LYPLAL1: variants seen among roughly 807,000 people sequenced by gnomAD.
LYPLAL1 encodes lysophospholipase-like protein 1.
In LYPLAL1, 23 loss-of-function variants were observed where a neutral mutation model predicts 19.7. That is an observed-to-expected ratio of 1.17 (90% confidence interval 0.84 to 1.65). The LOEUF is 1.65. Among genes scored for constraint, LYPLAL1 ranks in the 40% most tolerant of loss-of-function variants. LYPLAL1 has a pLI of 0.00. For synonymous variants in LYPLAL1, 119 were observed against 96.3 expected (o/e 1.24, Z -1.38); for missense variants, 355 against 279.4 (o/e 1.27, Z -1.93).
Position 219,210,573 on chromosome 1 carries a change from T to C in LYPLAL1, c.403T>C (p.Tyr135His). Reference protein sequence around the residue: ...MGGCMAIHLAYRNHQDVAGVF... With the variant: ...MGGCMAIHLAHRNHQDVAGVF... Reference sequence around the variant, plus strand: ...AGGATGCATGGCAATACATTTAGCATATAGAAATCATCAAGATGTGGCAGG... The same window carrying C: ...AGGATGCATGGCAATACATTTAGCACATAGAAATCATCAAGATGTGGCAGG... Residue 135 changes from tyrosine to histidine, a missense_variant, in exon 4 of 5, where the codon TAT becomes CAT. By Grantham distance (83) the Tyr-to-His change is moderately conservative. Coordinates refer to ENST00000366928, the MANE Select transcript of LYPLAL1 (RefSeq NM_138794.5). The C allele has an allele frequency of 6.2e-7, 1 of 1,610,384 alleles. No homozygotes were observed.
In LYPLAL1 at chr1:219,193,105, GA is replaced by G. The variant is rs754446795; in HGVS notation, c.217del (p.Ile73SerfsTer11). On this transcript the variant is annotated frameshift_variant, in exon 3 of 5. Transcript: ENST00000366928. LOFTEE classifies it high-confidence loss of function. ...AGATCATATACTCCTATGAAAGGAGGAATCTCCAATGTATGGTTTGACAGAT... is the reference window on the plus strand; with the variant it reads ...AGATCATATACTCCTATGAAAGGAGGATCTCCAATGTATGGTTTGACAGAT... ...PPRSYTPMKGGISNVWFDRFK... is the reference protein window; with the variant it reads ...PPRSYTPMKGXISNVWFDRFK... 3.0e-5 allele frequency: 48 copies of G among 1,607,302 alleles called. No homozygotes were observed. The highest frequency in any genetic ancestry group is 6.7e-5 in the African/African-American group (5 of 74,568).
chr1:219,421,492 T>G, the LYPLAL1 span, among the ~76,000 whole-genome samples: 1 of 152,328 alleles, frequency 6.6e-6, no homozygotes, highest in East Asian at 1.9e-4. Context: ...ATTCACAAGG[T>G]TGTTGAGTTT....
intron 3 of LYPLAL1, chr1:219,210,286 A>C (rs966163025): frequency 4.2e-6 from 1 of 235,906 alleles, no homozygotes; most frequent in Admixed American, 5.4e-5. Flanking sequence ...CTTGGTGAAC[A>C]TGATATATTT....
At chr1:219,383,829 G>A in the LYPLAL1 span, among the ~76,000 whole-genome samples, 1 of 152,320 alleles carries the variant, frequency 6.6e-6, no homozygotes, top group East Asian at 1.9e-4. Context: ...ACGTGAGCTT[G>A]ATTTAGAATA....
the LYPLAL1 span, among the ~76,000 whole-genome samples, chr1:219,220,668 T>G: frequency 6.6e-6 from 1 of 152,156 alleles, no homozygotes; most frequent in Non-Finnish European, 1.5e-5. Flanking sequence ...GACATGACAT[T>G]TCTGGAGTCG....
intron 2 of LYPLAL1, among the ~76,000 whole-genome samples, chr1:219,192,624 T>C (rs1657271760): frequency 1.3e-5 from 2 of 151,678 alleles, no homozygotes; most frequent in Admixed American, 1.3e-4. Context: ...CAGAAATCTC[T>C]AAGGTTTTTT....
At chr1:219,331,434 T>C in the LYPLAL1 span, among the ~76,000 whole-genome samples, 1 of 152,302 alleles carries the variant, frequency 6.6e-6, no homozygotes, top group South Asian at 2.1e-4. Context: ...GCTCCGTTTT[T>C]GTGTTAAAAC....
At chr1:219,187,756 T>C (rs572623844) in intron 2 of LYPLAL1, among the ~76,000 whole-genome samples, 1 of 151,866 alleles carries the variant, frequency 6.6e-6, no homozygotes, top group Non-Finnish European at 1.5e-5. Context: ...TCCTCTTTAC[T>C]CCATCACTTA....
the LYPLAL1 span, among the ~76,000 whole-genome samples, chr1:219,366,023 T>G: frequency 1.3e-5 from 2 of 152,166 alleles, no homozygotes; most frequent in African/African-American, 4.8e-5. Context: ...TCAGTTCTGG[T>G]TAGCTAATTC....
chr1:219,296,698 G>T, the LYPLAL1 span, among the ~76,000 whole-genome samples: 1 of 152,250 alleles, frequency 6.6e-6, no homozygotes, highest in Admixed American at 6.5e-5. Flanking sequence ...GGTTCAAACA[G>T]CCTAGGGAAG....
the LYPLAL1 span, among the ~76,000 whole-genome samples, chr1:219,243,634 AAAG>A: frequency 6.6e-6 from 1 of 152,050 alleles, no homozygotes; most frequent in African/African-American, 2.4e-5. Flanking sequence ...AAAATTTAAA[AAAG>A]GTCCCGGCGC....
chr1:219,355,995 A>G, the LYPLAL1 span, among the ~76,000 whole-genome samples: 6 of 152,190 alleles, frequency 3.9e-5, no homozygotes, highest in African/African-American at 1.2e-4. Flanking sequence ...CCTTCTTTAT[A>G]CTATTAAAAA....
chr1:219,277,453 G>T, the LYPLAL1 span, among the ~76,000 whole-genome samples: 1 of 152,080 alleles, frequency 6.6e-6, no homozygotes, highest in Non-Finnish European at 1.5e-5. Flanking sequence ...TGTGGGTTTA[G>T]AACTCATTTC....
At chr1:219,352,665 G>A in the LYPLAL1 span, among the ~76,000 whole-genome samples, 1 of 152,170 alleles carries the variant, frequency 6.6e-6, no homozygotes, top group Non-Finnish European at 1.5e-5. Context: ...TGTCCTTCCA[G>A]GAACGATTTA....
At chr1:219,214,237 A>G (rs1255999411), downstream of LYPLAL1, among the ~76,000 whole-genome samples, 1 of 152,178 alleles carries the variant, frequency 6.6e-6, no homozygotes, top group South Asian at 2.1e-4. Context: ...CCTTGGTTAT[A>G]TTGTATAATT....
the LYPLAL1 span, among the ~76,000 whole-genome samples, chr1:219,316,655 T>C: frequency 6.6e-6 from 1 of 152,298 alleles, no homozygotes; most frequent in African/African-American, 2.4e-5. Context: ...TGTCCATTGA[T>C]GGTCAAATGT....
At chr1:219,217,142 C>T (rs957262357), downstream of LYPLAL1, among the ~76,000 whole-genome samples, 4 of 152,020 alleles carry the variant, frequency 2.6e-5, no homozygotes, top group African/African-American at 9.7e-5. Context: ...TTATCTTGAC[C>T]ATATTCTGTG....
At chr1:219,399,067 G>A in the LYPLAL1 span, among the ~76,000 whole-genome samples, 1 of 152,312 alleles carries the variant, frequency 6.6e-6, no homozygotes, top group East Asian at 1.9e-4. Flanking sequence ...GCAGGGAGGG[G>A]CACCCTTGTT....
At chr1:219,232,491 T>C in the LYPLAL1 span, among the ~76,000 whole-genome samples, 1 of 152,108 alleles carries the variant, frequency 6.6e-6, no homozygotes, top group Non-Finnish European at 1.5e-5. Flanking sequence ...ATTTCTTGGG[T>C]ATGACAGCAA....
Sources: allele counts gnomAD v4.1 joint callset (sites outside exome capture counted in the v4.1 genomes callset), GRCh38; gene constraint gnomAD v4.1.1; transcripts MANE v1.5; gene names NCBI Gene and HGNC (gene_info 2026-07-23, HGNC 2026-07-21).